MAX: variants seen among roughly 807,000 people sequenced by gnomAD.
The protein encoded by MAX is MYC associated transcriptional regulator X.
Under a neutral mutation model 22.3 loss-of-function variants are expected in MAX, and 3 were observed. That is an observed-to-expected ratio of 0.13 (90% CI 0.06 to 0.35). MAX has a LOEUF of 0.35. Among genes scored for constraint, MAX ranks in the 10% least tolerant of loss-of-function variants. MAX has a pLI of 1.00. For synonymous variants in MAX, 72 were observed against 77.7 expected (o/e 0.93, Z 0.39); for missense variants, 119 against 209.4 (o/e 0.57, Z 2.66).
At chr14:65,040,778 A>G (rs1457403399) in intron 3 of MAX, 21 of 1,609,692 alleles carry the variant, frequency 1.3e-5, no homozygotes, top group African/African-American at 4.0e-5. Context: ...GCTTTTCTCA[A>G]TCTCTTCTTA....
rs182908122 is a variant in MAX, at chr14:65,048,579, A to G, written c.172-42295T>C. On this transcript the variant is annotated intron_variant, in intron 3 of 3. Coordinates refer to the MAX transcript ENST00000341653. ...CTATTAGTACCTTAAAATGCTGGAC[A>G]TGGTGGTTCATGACCATAATCCCAG... is the stretch of plus-strand genomic sequence containing the variant. Among the ~76,000 whole-genome samples the G allele has an allele frequency of 7.9e-5, 12 of 152,310 alleles. No homozygotes were observed. In the East Asian group the frequency reaches 2.3e-3, roughly 29 times the overall value.
chr14:65,006,756 C>T (rs1595003608), intron 3 of MAX, among the ~76,000 whole-genome samples: 1 of 152,318 alleles, frequency 6.6e-6, no homozygotes, highest in Non-Finnish European at 1.5e-5. Flanking sequence ...TGGTCTCTTT[C>T]ATTCCTTTTT....
intron 3 of MAX, among the ~76,000 whole-genome samples, chr14:65,036,433 T>A (rs1336477631): frequency 1.4e-5 from 2 of 145,150 alleles, no homozygotes; most frequent in Non-Finnish European, 3.0e-5. Context: ...GACGGGGTTT[T>A]CCCATGTTGC....
intron 3 of MAX, chr14:65,015,651 C>T: frequency 6.2e-7 from 1 of 1,614,128 alleles, no homozygotes; most frequent in Non-Finnish European, 8.5e-7. Context: ...GCCCATGGCT[C>T]TGCTATTGGA....
rs147367166 is a variant in MAX at position 65,079,392 on chromosome 14, G to A, written c.172-1356C>T. Among the ~76,000 whole-genome samples, 70 of 152,320 alleles carry A rather than the reference G, an allele frequency of 4.6e-4. No individual in the cohort carries two copies. The highest frequency in any genetic ancestry group is 3.4e-3 in the Middle Eastern group (1 of 294). On this transcript the variant is annotated intron_variant, in intron 3 of 4. Coordinates refer to ENST00000358664, the MANE Select transcript of MAX (RefSeq NM_002382.5). The surrounding 1 kb of genome is among the most constrained non-coding windows in gnomAD (Gnocchi z 4.5). ...GGTACTGCCTTGCTAGAGTAAGTTC[G>A]TAAGTCAATAACATGGATGTCATGT...
At position 65,012,031 on chromosome 14, in the gene MAX, C is replaced by T. The variant is rs1426855004; in HGVS notation, c.172-5747G>A. The T allele has an allele frequency of 2.3e-5, 8 of 347,622 alleles. No individual in the cohort carries two copies. Among genetic ancestry groups the T allele is most frequent in the East Asian group, 1.7e-4 (3 of 17,338 alleles). 21.5% of individuals were successfully genotyped at this position (347,622 alleles called of 1,614,324 possible). A position where few individuals can be genotyped will look rare whatever the true frequency, so the allele number is the denominator to read the frequency against. On this transcript the variant is annotated intron_variant, in intron 3 of 3. Transcript: ENST00000341653. This position sits in a 1 kb window ranked among gnomAD's most constrained non-coding sequence, Gnocchi z 5.0. ...CTGTCATTGCCTGGCTGCGTGTGCT[C>T]ATTGCGGCTTTTCCGTTAGCCCAAA...
chr14:65,057,843 C>T (rs2139688691), intron 3 of MAX, among the ~76,000 whole-genome samples: 1 of 152,260 alleles, frequency 6.6e-6, no homozygotes, highest in Middle Eastern at 3.4e-3. Flanking sequence ...CTCATGTGTA[C>T]CACACCCTCA....
At chr14:65,102,261 C>G in intron 1 of MAX, 43 bp downstream of exon 1, 1 of 1,612,272 alleles carries the variant, frequency 6.2e-7, no homozygotes, top group Non-Finnish European at 8.5e-7. Context: ...CCGCTGTCCC[C>G]GCCTGACAAC....
chr14:65,051,797 A>ATTT (rs776155113), intron 3 of MAX, among the ~76,000 whole-genome samples: 1 of 142,098 alleles, frequency 7.0e-6, no homozygotes, highest in Non-Finnish European at 1.5e-5. Context: ...CACCATAGGA[A>ATTT]TTTTTTTTTT....
In MAX at chr14:65,011,431, G is replaced by GAAAA. The variant is rs767329195; in HGVS notation, c.172-5151_172-5148dup. 8.7e-5 allele frequency among the ~76,000 whole-genome samples: 7 copies of GAAAA among 80,066 alleles called. No homozygotes were observed. Among genetic ancestry groups the GAAAA allele is most frequent in the African/African-American group, 8.4e-5 (2 of 23,708 alleles). 52.5% of individuals were successfully genotyped at this position (80,066 alleles called of 152,430 possible). On this transcript the variant is annotated intron_variant, in intron 3 of 3. Transcript: ENST00000341653. The surrounding 1 kb of genome is among the most constrained non-coding windows in gnomAD (Gnocchi z 4.0). Reference sequence around the variant, plus strand: ...GTGACAGAGCGAGACTCCGTCTCAGGAAAAAAAAAAAAAAAAAAAAAGACT... The same window carrying GAAAA: ...GTGACAGAGCGAGACTCCGTCTCAGGAAAAAAAAAAAAAAAAAAAAAAAAAGACT...
rs1362867861 is a variant in MAX, at chr14:65,011,693, C to T, written c.172-5409G>A. The stretch of plus-strand genomic sequence containing the variant: ...CCCGGCCTGTGCAGGTGGCCATGGG[C>T]GGCACATTCCATCTTAAAGCCAGTA... On this transcript the variant is annotated intron_variant, in intron 3 of 3. Transcript: ENST00000341653. This position sits in a 1 kb window ranked among gnomAD's most constrained non-coding sequence, Gnocchi z 4.0. Among the ~76,000 whole-genome samples the T allele has an allele frequency of 2.0e-5, 3 of 152,196 alleles. No individual in the cohort carries two copies. Among genetic ancestry groups the T allele is most frequent in the Non-Finnish European group, 4.4e-5 (3 of 68,050 alleles).
chr14:65,025,140 A>C (rs2061956505), intron 3 of MAX, among the ~76,000 whole-genome samples: 1 of 152,134 alleles, frequency 6.6e-6, no homozygotes, highest in Non-Finnish European at 1.5e-5. Flanking sequence ...GCACAGCCCC[A>C]GACAGTCAGA....
intron 2 of MAX, among the ~76,000 whole-genome samples, chr14:65,097,192 C>T (rs1402520740): frequency 6.6e-6 from 1 of 152,214 alleles, no homozygotes; most frequent in Non-Finnish European, 1.5e-5. Flanking sequence ...TTTGACACTA[C>T]CAAGCACGTG....
At chr14:65,046,814 T>G (rs1389255703) in intron 3 of MAX, among the ~76,000 whole-genome samples, 1 of 151,688 alleles carries the variant, frequency 6.6e-6, no homozygotes, top group East Asian at 1.9e-4. Context: ...AAAAAATTCA[T>G]AGAAAGTATC....
chr14:65,101,601 A>G lies in MAX; in HGVS notation c.37-29T>C, dbSNP rs551981615. 72 of 1,534,336 alleles carry G rather than the reference A, an allele frequency of 4.7e-5. No individual in the cohort carries two copies. In the African/African-American group the frequency reaches 9.4e-4, roughly 20 times the overall value. On this transcript the variant is annotated intron_variant, in intron 1 of 4. Coordinates refer to ENST00000358664, the MANE Select transcript of MAX (RefSeq NM_002382.5). ...GAATAAGAGAGAAAAAAAAAAATAG[A>G]AAATATAGAAGTTATTTTTACACTT... is the stretch of plus-strand genomic sequence containing the variant.
At position 65,018,809 on chromosome 14, in the gene MAX, TA is replaced by T. The variant is rs34066098; in HGVS notation, c.172-12526del. ...TGGAGGACAGAGTGAGACTCTGTCT[TA>T]AAAAAAAAAAAAAAAAAAGGCCAGG... On this transcript the variant is annotated intron_variant, in intron 3 of 3. Coordinates refer to the MAX transcript ENST00000341653. Among the ~76,000 whole-genome samples, 340 of 108,470 alleles carry T rather than the reference TA, an allele frequency of 3.1e-3. 3 individuals carry two copies. Among genetic ancestry groups the T allele is most frequent in the African/African-American group, 5.0e-3 (140 of 27,914 alleles). The allele number at this position is 108,470 out of a possible 152,430, so 71.2% of individuals were successfully genotyped here. A position where few individuals can be genotyped will look rare whatever the true frequency, so the allele number is the denominator to read the frequency against.
chr14:65,102,510 T>C lies in MAX; in HGVS notation c.-171A>G. The C allele has an allele frequency of 6.8e-7, 1 of 1,477,150 alleles. No homozygotes were observed. The highest frequency in any genetic ancestry group is 1.4e-5 in the African/African-American group (1 of 71,956). The allele number at this position is 1,477,150 out of a possible 1,614,324, so 91.5% of individuals were successfully genotyped here. A position where few individuals can be genotyped will look rare whatever the true frequency, so the allele number is the denominator to read the frequency against. On this transcript the variant is annotated 5_prime_UTR_variant, in exon 1 of 5. Transcript: ENST00000358664. The stretch of plus-strand genomic sequence containing the variant: ...ACACACAACACGGGCAAGAACCACC[T>C]CCTCACTGCAGCACCGGATCAACGG...
intron 3 of MAX, among the ~76,000 whole-genome samples, chr14:65,037,402 CCTTTTTT>C (rs2062220391): frequency 0.025 from 365 of 14,486 alleles, 103 homozygotes; most frequent in South Asian, 0.037. Flanking sequence ...CACGCCGGGC[CCTTTTTT>C]TTTTTTTTTT....
chr14:65,040,281 GTGTATA>G (rs2062316789), intron 3 of MAX, among the ~76,000 whole-genome samples: 1 of 148,592 alleles, frequency 6.7e-6, no homozygotes, highest in Non-Finnish European at 1.5e-5. Flanking sequence ...ATATATATGT[GTGTATA>G]TATATATATG....
Sources: allele counts gnomAD v4.1 joint callset (sites outside exome capture counted in the v4.1 genomes callset), GRCh38; gene constraint gnomAD v4.1.1; non-coding constraint Gnocchi (gnomAD v3.1); transcripts MANE v1.5; gene names NCBI Gene and HGNC (gene_info 2026-07-23, HGNC 2026-07-21).